The following SPATA31D1 variants were observed in gnomAD, a reference collection of about 807,000 sequenced individuals.
SPATA31D1 encodes the protein SPATA31 subfamily D member 1.
Under a neutral mutation model 13.2 loss-of-function variants are expected in SPATA31D1, and 6 were observed. The observed-to-expected ratio is 0.46, with a 90% confidence interval of 0.25 to 0.90. SPATA31D1 has a LOEUF of 0.90. Ranked by LOEUF, SPATA31D1 falls within the 40% of genes least tolerant of loss-of-function variation. The pLI, the probability that SPATA31D1 is intolerant of heterozygous loss-of-function variation, is 0.18. For missense variants in SPATA31D1, 2,445 were observed against 1,884.7 expected (o/e 1.30, Z -5.50); for synonymous variants, 903 against 718.8 (o/e 1.26, Z -4.10).
Position 81,994,599 on chromosome 9 carries a change from A to G in SPATA31D1, c.4129A>G (p.Lys1377Glu), listed in dbSNP as rs759125475. ...SYEEQESSWE[K>E]GSSLSSCVQN... ...TGAAGAACAAGAAAGTTCCTGGGAA[A>G]AGGGTAGCTCCCTGTCATCATGTGT... Residue 1377 changes from lysine (K) to glutamate (E), a missense_variant, in exon 4 of 4, where the codon AAG (lysine) becomes GAG (glutamate). Physicochemically the swap from Lys to Glu is moderately conservative, Grantham distance 56 (BLOSUM62 1). Transcript: ENST00000344803. 3.1e-6 allele frequency: 5 copies of G among 1,612,970 alleles called. No homozygotes were observed. In the African/African-American group the frequency reaches 6.7e-5, roughly 22 times the overall value.
At position 81,995,149 on chromosome 9, in the gene SPATA31D1, A is replaced by G; in HGVS notation, c.4679A>G (p.Gln1560Arg). The G allele has an allele frequency of 6.3e-7, 1 of 1,586,024 alleles. No homozygotes were observed. The highest frequency in any genetic ancestry group is 8.6e-7 in the Non-Finnish European group (1 of 1,165,086). ...VFSDVPFLTG[Q>R]KMLPKHLQGG... ...AGTGATGTGCCTTTCCTAACTGGAC[A>G]GAAAATGCTTCCAAAGCATTTACAG... is the stretch of plus-strand genomic sequence containing the variant. The change falls in exon 4 of 4, where the codon CAG (glutamine) becomes CGG (arginine). Residue 1560 changes from glutamine to arginine, a missense_variant. By Grantham distance (43) the Gln-to-Arg change is conservative. Transcript: ENST00000344803.
In SPATA31D1 at chr9:81,992,507, C is replaced by T. The variant is rs1352507687; in HGVS notation, c.2037C>T (p.Leu679=). 4.3e-6 allele frequency: 7 copies of T among 1,611,886 alleles called. No individual in the cohort carries two copies. The highest frequency in any genetic ancestry group is 2.2e-5 in the East Asian group (1 of 44,890). ...CCATCATTCCTGGAGATTTTCCACT[C>T]AGCTCTGAGGTAAGGAAGAAACTAG... ...PISIIPGDFP[L]SSEVRKKLEQ... Residue 679 remains leucine (L), a synonymous_variant, in exon 4 of 4, where the codon CTC becomes CTT. Transcript: ENST00000344803.
chr9:81,994,695 A>G lies in SPATA31D1; in HGVS notation c.4225A>G (p.Thr1409Ala). 1 of 1,613,720 alleles carries G rather than the reference A, an allele frequency of 6.2e-7. No individual in the cohort carries two copies. Among genetic ancestry groups the G allele is most frequent in the Non-Finnish European group, 8.5e-7 (1 of 1,179,730 alleles). The change falls in exon 4 of 4, where the codon ACT (threonine) becomes GCT (alanine). Residue 1409 changes from threonine to alanine, a missense_variant. Transcript: ENST00000344803. ...TGAAGCTCAGAAAATTAGGAAAGACACTAGGGAGTTCCTAGAAGAGAAGCT... is the reference window on the plus strand; with the variant it reads ...TGAAGCTCAGAAAATTAGGAAAGACGCTAGGGAGTTCCTAGAAGAGAAGCT... ...TTEAQKIRKD[T>A]REFLEEKLGH... is the part of the protein sequence containing the mutation.
At chr9:81,987,920 C>T (rs1824883453), upstream of SPATA31D1, among the ~76,000 whole-genome samples, 1 of 152,212 alleles carries the variant, frequency 6.6e-6, no homozygotes, top group Non-Finnish European at 1.5e-5. Context: ...GCTGGCGTCA[C>T]AGCCCAAATT....
chr9:81,994,188 A>C lies in SPATA31D1; in HGVS notation c.3718A>C (p.Asn1240His), dbSNP rs373914720. ...DNLSSKDLLT[N>H]SQGISSGDMG... is the part of the protein sequence containing the mutation. ...CTTGAGTTCCAAGGACTTACTGACT[A>C]ATTCCCAGGGCATCTCGAGTGGGGA... is the stretch of plus-strand genomic sequence containing the variant. Residue 1240 changes from asparagine (N) to histidine (H), a missense_variant, in exon 4 of 4, where the codon AAT (asparagine) becomes CAT (histidine). Coordinates refer to ENST00000344803, the MANE Select transcript of SPATA31D1 (RefSeq NM_001001670.3). 22 of 1,614,024 alleles carry C rather than the reference A, an allele frequency of 1.4e-5. No individual in the cohort carries two copies. The East Asian group carries it at 2.9e-4, about 21-fold the overall frequency.
rs893457893 is a variant in SPATA31D1 at position 81,993,504 on chromosome 9, C to T, written c.3034C>T (p.Leu1012Phe). ...ACAATTTTCTGATACTGACCATGAC[C>T]TTATAGAGACAGATTCCAAAGACGG... The part of the protein sequence containing the change: ...RRQFSDTDHD[L>F]IETDSKDGAS... Residue 1012 changes from leucine (L) to phenylalanine (F), a missense_variant, in exon 4 of 4, where the codon CTT (leucine) becomes TTT (phenylalanine). Physicochemically the swap from Leu to Phe is conservative, Grantham distance 22. Coordinates refer to ENST00000344803, the MANE Select transcript of SPATA31D1 (RefSeq NM_001001670.3). 5.0e-6 allele frequency: 8 copies of T among 1,613,784 alleles called. No homozygotes were observed. The highest frequency in any genetic ancestry group is 2.2e-5 in the East Asian group (1 of 44,860).
chr9:81,994,878 C>T lies in SPATA31D1; in HGVS notation c.4408C>T (p.Arg1470Cys), dbSNP rs374710869. 128 of 1,613,962 alleles carry T rather than the reference C, an allele frequency of 7.9e-5. No homozygotes were observed. The highest frequency in any genetic ancestry group is 9.5e-5 in the Non-Finnish European group (112 of 1,179,876). The change falls in exon 4 of 4, where the codon CGT becomes TGT. Residue 1470 changes from arginine to cysteine, a missense_variant. Physicochemically the swap from Arg to Cys is radical, Grantham distance 180. Transcript: ENST00000344803. ...CAGGGCTCCCTCCTGCAAAGTGACA[C>T]GTACCAAATCTTGCAGCCAACAAGC... ...NYRAPSCKVT[R>C]TKSCSQQAIF...
In SPATA31D1 at chr9:81,990,836, A is replaced by G. The variant is rs377359814; in HGVS notation, c.366A>G (p.Arg122=). 6.2e-7 allele frequency: 1 copy of G among 1,613,692 alleles called. No individual in the cohort carries two copies. The highest frequency in any genetic ancestry group is 1.3e-5 in the African/African-American group (1 of 74,846). The part of the protein sequence containing the change: ...GQHHDTNHFR[R]LLCPDPVCRV... Reference sequence around the variant, plus strand: ...ATCATGATACCAACCACTTTCGTCGACTGTTATGCCCAGACCCCGTCTGTC... The same window carrying G: ...ATCATGATACCAACCACTTTCGTCGGCTGTTATGCCCAGACCCCGTCTGTC... Residue 122 remains arginine, a synonymous_variant, in exon 4 of 4, where the codon CGA becomes CGG. Transcript: ENST00000344803.
Position 81,995,108 on chromosome 9 carries a change from T to C in SPATA31D1, c.4638T>C (p.Ala1546=). The change falls in exon 4 of 4, where the codon GCT becomes GCC. Residue 1546 remains alanine (A), a synonymous_variant. Transcript: ENST00000344803. ...TGTGTCCAGCCGTCCCAACCAGTGC[T>C]AAAAGCCCTGTGTTTAGTGATGTGC... is the stretch of plus-strand genomic sequence containing the variant. ...SLVCPAVPTS[A]KSPVFSDVPF... is the part of the protein sequence containing the mutation. The C allele has an allele frequency of 6.2e-7, 1 of 1,608,848 alleles. No homozygotes were observed. Among genetic ancestry groups the C allele is most frequent in the South Asian group, 1.1e-5 (1 of 90,140 alleles).
Position 81,994,334 on chromosome 9 carries a change from A to T in SPATA31D1, c.3864A>T (p.Pro1288=), listed in dbSNP as rs116948895. The T allele has an allele frequency of 9.2e-3, 14,799 of 1,613,906 alleles. 94 individuals are homozygous for T. Among genetic ancestry groups the T allele is most frequent in the Middle Eastern group, 0.023 (137 of 6,062 alleles). ...AGAAGTGTCAAGTTACGAATTTCCC[A>T]CCAGCTGTAAACAGAGTGAGTCCTG... The part of the protein sequence containing the change: ...VLQKCQVTNF[P]PAVNRVSPVR... The change falls in exon 4 of 4, where the codon CCA becomes CCT. Residue 1288 remains proline, a synonymous_variant. Coordinates refer to ENST00000344803, the MANE Select transcript of SPATA31D1 (RefSeq NM_001001670.3).
chr9:81,994,864 C>T lies in SPATA31D1; in HGVS notation c.4394C>T (p.Ser1465Phe). The T allele has an allele frequency of 1.2e-6, 2 of 1,613,958 alleles. No homozygotes were observed. Among genetic ancestry groups the T allele is most frequent in the Non-Finnish European group, 8.5e-7 (1 of 1,179,892 alleles). The change falls in exon 4 of 4, where the codon TCC becomes TTC. Residue 1465 changes from serine to phenylalanine, a missense_variant. By Grantham distance (155) the Ser-to-Phe change is radical. Coordinates refer to ENST00000344803, the MANE Select transcript of SPATA31D1 (RefSeq NM_001001670.3). ...TGTCCCTGCAACTACAGGGCTCCCT[C>T]CTGCAAAGTGACACGTACCAAATCT... is the stretch of plus-strand genomic sequence containing the variant. ...QGCPCNYRAP[S>F]CKVTRTKSCS... is the part of the protein sequence containing the mutation.
chr9:81,994,872 G>T lies in SPATA31D1; in HGVS notation c.4402G>T (p.Val1468Leu). 1 of 1,613,988 alleles carries T rather than the reference G, an allele frequency of 6.2e-7. No homozygotes were observed. Residue 1468 changes from valine to leucine, a missense_variant, in exon 4 of 4, where the codon GTG becomes TTG. Transcript: ENST00000344803. The stretch of plus-strand genomic sequence containing the variant: ...CAACTACAGGGCTCCCTCCTGCAAA[G>T]TGACACGTACCAAATCTTGCAGCCA... Reference protein sequence around the residue: ...PCNYRAPSCKVTRTKSCSQQA... With the variant: ...PCNYRAPSCKLTRTKSCSQQA...
rs1382532375 is a variant in SPATA31D1, at chr9:81,988,996, A to T, written c.178A>T (p.Ile60Phe). The change falls in exon 1 of 4, where the codon ATC becomes TTC. Residue 60 changes from isoleucine to phenylalanine, a missense_variant. Ile to Phe is a conservative substitution (Grantham distance 21). Coordinates refer to ENST00000344803, the MANE Select transcript of SPATA31D1 (RefSeq NM_001001670.3). ...GTCACCCACCGAAAAAAATAATGAC[A>T]TCCAAAAGGTAAGGAACTGTGGGTG... Reference protein sequence around the residue: ...YSSPTEKNNDIQKHQGRAKRR... With the variant: ...YSSPTEKNNDFQKHQGRAKRR... The T allele has an allele frequency of 6.2e-7, 1 of 1,611,772 alleles. No individual in the cohort carries two copies. The highest frequency in any genetic ancestry group is 1.1e-5 in the South Asian group (1 of 90,978).
At position 81,991,992 on chromosome 9, in the gene SPATA31D1, C is replaced by T; in HGVS notation, c.1522C>T (p.Pro508Ser). 1 of 1,613,766 alleles carries T rather than the reference C, an allele frequency of 6.2e-7. No homozygotes were observed. Among genetic ancestry groups the T allele is most frequent in the Non-Finnish European group, 8.5e-7 (1 of 1,179,726 alleles). ...ATATGTCCAGCTCTTCTGGGGTCTC[C>T]CATCTTTGCACAGCGAGTCTCTGCA... ...QKYVQLFWGLPSLHSESLHPT... is the reference protein window; with the variant it reads ...QKYVQLFWGLSSLHSESLHPT... The change falls in exon 4 of 4, where the codon CCA (proline) becomes TCA (serine). Residue 508 changes from proline to serine, a missense_variant. Pro to Ser is a moderately conservative substitution (Grantham distance 74). Coordinates refer to ENST00000344803, the MANE Select transcript of SPATA31D1 (RefSeq NM_001001670.3).
Position 81,992,416 on chromosome 9 carries a change from A to G in SPATA31D1, c.1946A>G (p.Asp649Gly). 1 of 1,613,374 alleles carries G rather than the reference A, an allele frequency of 6.2e-7. No homozygotes were observed. Among genetic ancestry groups the G allele is most frequent in the Non-Finnish European group, 8.5e-7 (1 of 1,179,734 alleles). ...LPSVVQKSQEDFCPPAPNPEL... is the reference protein window; with the variant it reads ...LPSVVQKSQEGFCPPAPNPEL... Reference sequence around the variant, plus strand: ...TCTGTGGTTCAAAAATCCCAGGAAGACTTTTGTCCTCCAGCTCCCAATCCT... The same window carrying G: ...TCTGTGGTTCAAAAATCCCAGGAAGGCTTTTGTCCTCCAGCTCCCAATCCT... Residue 649 changes from aspartate to glycine, a missense_variant, in exon 4 of 4, where the codon GAC becomes GGC. By Grantham distance (94) the Asp-to-Gly change is moderately conservative. Transcript: ENST00000344803.
At position 81,991,716 on chromosome 9, in the gene SPATA31D1, G is replaced by C; in HGVS notation, c.1246G>C (p.Glu416Gln). The change falls in exon 4 of 4, where the codon GAG becomes CAG. Residue 416 changes from glutamate to glutamine, a missense_variant. Coordinates refer to ENST00000344803, the MANE Select transcript of SPATA31D1 (RefSeq NM_001001670.3). ...FLSHDILALL[E>Q]RQVKKRGDFL... ...CAGCCATGACATTCTGGCACTCCTG[G>C]AGAGACAAGTCAAAAAAAGGGGTGA... 6.2e-7 allele frequency: 1 copy of C among 1,613,798 alleles called. No homozygotes were observed. Among genetic ancestry groups the C allele is most frequent in the Non-Finnish European group, 8.5e-7 (1 of 1,179,800 alleles).
rs762913197 is a variant in SPATA31D1 at position 81,992,930 on chromosome 9, A to T, written c.2460A>T (p.Arg820Ser). ...MHLSGNDSGV[R>S]LGQKQLENAL... is the part of the protein sequence containing the mutation. ...TGTCAGGGAATGACTCAGGGGTGAG[A>T]CTAGGTCAGAAACAACTTGAAAATG... Residue 820 changes from arginine to serine, a missense_variant, in exon 4 of 4, where the codon AGA becomes AGT. Physicochemically the swap from Arg to Ser is moderately radical, Grantham distance 110. Coordinates refer to ENST00000344803, the MANE Select transcript of SPATA31D1 (RefSeq NM_001001670.3). 2 of 1,613,822 alleles carry T rather than the reference A, an allele frequency of 1.2e-6. No homozygotes were observed. Among genetic ancestry groups the T allele is most frequent in the Admixed American group, 1.7e-5 (1 of 60,014 alleles).
In SPATA31D1 at chr9:81,993,212, G is replaced by T; in HGVS notation, c.2742G>T (p.Met914Ile). ...EAHIKTFRMR[M>I]LWGLPLKVLE... is the part of the protein sequence containing the mutation. ...ATATTAAAACTTTCCGTATGAGGATGCTGTGGGGCCTTCCCCTCAAGGTCC... is the reference window on the plus strand; with the variant it reads ...ATATTAAAACTTTCCGTATGAGGATTCTGTGGGGCCTTCCCCTCAAGGTCC... The change falls in exon 4 of 4, where the codon ATG becomes ATT. Residue 914 changes from methionine to isoleucine, a missense_variant. Physicochemically the swap from Met to Ile is conservative, Grantham distance 10. Transcript: ENST00000344803. The T allele has an allele frequency of 6.2e-7, 1 of 1,613,962 alleles. No homozygotes were observed. The highest frequency in any genetic ancestry group is 8.5e-7 in the Non-Finnish European group (1 of 1,179,886).
At chr9:81,989,099 A>T (rs950069540) in intron 1 of SPATA31D1, 95 bp downstream of exon 1, 3 of 1,507,598 alleles carry the variant, frequency 2.0e-6, no homozygotes, top group Admixed American at 2.2e-5. Context: ...TGGTACAGAG[A>T]CATGTTTTAG....
Sources: allele counts gnomAD v4.1 joint callset (sites outside exome capture counted in the v4.1 genomes callset), GRCh38; gene constraint gnomAD v4.1.1; transcripts MANE v1.5; gene names NCBI Gene and HGNC (gene_info 2026-07-23, HGNC 2026-07-21).